CNBD1: variants seen among roughly 807,000 people sequenced by gnomAD.
CNBD1 encodes the protein cyclic nucleotide-binding domain-containing protein 1.
Under a neutral mutation model 54.4 loss-of-function variants are expected in CNBD1, and 71 were observed. That is an observed-to-expected ratio of 1.30 (90% CI 1.08 to 1.59). The LOEUF (loss-of-function observed/expected upper bound fraction) is 1.59, where lower values mean the gene tolerates loss of function less well. CNBD1 is among the 40% of genes most tolerant of loss of function. The probability of loss-of-function intolerance (pLI) is 0.00; values close to 1 mark genes in which losing one functional copy is unlikely to be tolerated. For synonymous variants in CNBD1, 182 were observed against 170.7 expected, an observed-to-expected ratio of 1.07 and a Z score of -0.51; for missense variants, 659 against 518.0, an observed-to-expected ratio of 1.27 and a Z score of -2.64.
At chr8:87,286,067 A>G (rs933625496) in intron 7 of CNBD1, among the ~76,000 whole-genome samples, 1 of 152,118 alleles carries the variant, frequency 6.6e-6, no homozygotes, top group African/African-American at 2.4e-5. Flanking sequence ...AATTCTTGTG[A>G]TTTAGTGGTC....
intron 4 of CNBD1, among the ~76,000 whole-genome samples, chr8:87,191,847 A>G (rs1431762): frequency 7.2e-5 from 11 of 152,186 alleles, no homozygotes; most frequent in Admixed American, 7.2e-4. Flanking sequence ...GAAGTGGCAT[A>G]TACTTTTAAA....
chr8:87,090,544 C>A (rs1216624979), intron 4 of CNBD1, among the ~76,000 whole-genome samples: 1 of 152,162 alleles, frequency 6.6e-6, no homozygotes, highest in African/African-American at 2.4e-5. Context: ...GCATTCTTAA[C>A]TTTCTGATCT....
chr8:86,946,757 C>T (rs6468571), intron 4 of CNBD1, among the ~76,000 whole-genome samples: 144,014 of 152,240 alleles, frequency 0.95, 68,226 homozygotes, highest in East Asian at 1. Flanking sequence ...CTTGTAACAA[C>T]TATCTGTTGA....
chr8:87,341,514 G>T (rs1176337695), intron 8 of CNBD1, among the ~76,000 whole-genome samples: 1 of 152,138 alleles, frequency 6.6e-6, no homozygotes, highest in African/African-American at 2.4e-5. Context: ...TTCTGCTATG[G>T]TTTGAATCTT....
At chr8:86,933,267 G>A (rs1265341990) in intron 3 of CNBD1, among the ~76,000 whole-genome samples, 1 of 152,018 alleles carries the variant, frequency 6.6e-6, no homozygotes, top group Non-Finnish European at 1.5e-5. Context: ...GGTCATAGTA[G>A]CCAAGTTTGT....
chr8:87,382,065 C>T lies in CNBD1; in HGVS notation c.1304-555C>T, dbSNP rs550508851. On this transcript the variant is annotated intron_variant, in intron 10 of 10. Coordinates refer to ENST00000518476, the MANE Select transcript of CNBD1 (RefSeq NM_173538.3). The stretch of plus-strand genomic sequence containing the variant: ...AGAAGAGTGACTCAACCACAGAGAG[C>T]CAGTCTATATTAAAAAACTATAAAA... 6.6e-5 allele frequency among the ~76,000 whole-genome samples: 10 copies of T among 150,704 alleles called. No individual in the cohort carries two copies. In the South Asian group the frequency reaches 2.1e-3, roughly 32 times the overall value.
intron 4 of CNBD1, among the ~76,000 whole-genome samples, chr8:86,982,171 T>G (rs944190115): frequency 2.0e-5 from 3 of 152,206 alleles, no homozygotes; most frequent in African/African-American, 7.2e-5. Context: ...ATGTTGAACA[T>G]GTTTTATGGG....
intron 9 of CNBD1, among the ~76,000 whole-genome samples, chr8:87,352,187 T>C (rs1294093457): frequency 6.6e-6 from 1 of 152,096 alleles, no homozygotes; most frequent in Non-Finnish European, 1.5e-5. Flanking sequence ...CGAAGACTTA[T>C]ATGAATCCTA....
chr8:87,134,625 T>TG (rs1269210796), intron 4 of CNBD1, among the ~76,000 whole-genome samples: 2 of 131,484 alleles, frequency 1.5e-5, no homozygotes, highest in African/African-American at 5.8e-5. Flanking sequence ...TTTTTTGAGA[T>TG]GGAGTCTCGC....
chr8:87,407,348 A>C (rs1807668538), intron 2 of CNBD1, among the ~76,000 whole-genome samples: 1 of 151,802 alleles, frequency 6.6e-6, no homozygotes, highest in South Asian at 2.1e-4. Context: ...CTCAGTACTT[A>C]GTTTATTATT....
chr8:87,414,482 C>G (rs1041407289), intron 2 of CNBD1, among the ~76,000 whole-genome samples: 2 of 151,910 alleles, frequency 1.3e-5, no homozygotes, highest in African/African-American at 2.4e-5. Context: ...TGTAACAAAC[C>G]TGCACATTGT....
intron 4 of CNBD1, among the ~76,000 whole-genome samples, chr8:87,154,623 G>A (rs1184404105): frequency 6.6e-6 from 1 of 152,132 alleles, no homozygotes; most frequent in Non-Finnish European, 1.5e-5. Flanking sequence ...GGGGAGTGCT[G>A]TTTAACTTTA....
intron 2 of CNBD1, among the ~76,000 whole-genome samples, chr8:87,415,493 A>T (rs1009478477): frequency 6.6e-6 from 1 of 152,048 alleles, no homozygotes; most frequent in Non-Finnish European, 1.5e-5. Context: ...CAGAACATAG[A>T]TATGCATCCT....
intron 4 of CNBD1, among the ~76,000 whole-genome samples, chr8:87,107,446 T>C (rs1811565732): frequency 6.6e-6 from 1 of 152,212 alleles, no homozygotes. Context: ...TCATCTTAAA[T>C]AAGACGTCCT....
intron 9 of CNBD1, among the ~76,000 whole-genome samples, chr8:87,352,789 G>A (rs1229232140): frequency 1.3e-5 from 2 of 152,102 alleles, no homozygotes; most frequent in Non-Finnish European, 2.9e-5. Context: ...GACTTCAATG[G>A]AATTCAATTA....
chr8:87,390,660 A>G (rs1485876379), intron 2 of CNBD1, among the ~76,000 whole-genome samples: 1 of 152,178 alleles, frequency 6.6e-6, no homozygotes, highest in Non-Finnish European at 1.5e-5. Flanking sequence ...AAACTAGTTC[A>G]ACCATTGTGG....
chr8:87,348,290 TTAA>T (rs145117325), intron 8 of CNBD1, among the ~76,000 whole-genome samples: 2 of 152,278 alleles, frequency 1.3e-5, no homozygotes, highest in Admixed American at 6.5e-5. Flanking sequence ...ATATACATTT[TTAA>T]TAATAAAGAA....
intron 4 of CNBD1, among the ~76,000 whole-genome samples, chr8:86,996,672 AG>A (rs1316886907): frequency 2.0e-4 from 30 of 152,340 alleles, no homozygotes; most frequent in African/African-American, 7.0e-4. Context: ...GAGGATATTA[AG>A]CAGAATAGCA....
intron 4 of CNBD1, among the ~76,000 whole-genome samples, chr8:87,201,354 T>C (rs1345913796): frequency 2.6e-5 from 4 of 152,186 alleles, no homozygotes; most frequent in African/African-American, 9.6e-5. Context: ...CACTTATATG[T>C]AACATTATAG....
Sources: allele counts gnomAD v4.1 joint callset (sites outside exome capture counted in the v4.1 genomes callset), GRCh38; gene constraint gnomAD v4.1.1; transcripts MANE v1.5; gene names NCBI Gene and HGNC (gene_info 2026-07-23, HGNC 2026-07-21).